The following EYA3 variants were observed in gnomAD, a reference collection of about 807,000 sequenced individuals.
EYA3 encodes the protein protein phosphatase EYA3.
Under a neutral mutation model 80.0 loss-of-function variants are expected in EYA3, and 39 were observed. That is an observed-to-expected ratio of 0.49 (90% CI 0.38 to 0.64). The LOEUF (loss-of-function observed/expected upper bound fraction) is 0.64. EYA3 is among the 30% of genes least tolerant of loss of function. The pLI is 0.00. For synonymous variants in EYA3, 206 were observed against 232.8 expected (o/e 0.88, Z 1.05); for missense variants, 523 against 676.1 (o/e 0.77, Z 2.51).
intron 7 of EYA3, among the ~76,000 whole-genome samples, chr1:28,023,689 A>T (rs1642594698): frequency 1.3e-5 from 2 of 152,226 alleles, no homozygotes; most frequent in African/African-American, 4.8e-5. Context: ...GAGCCTAAGG[A>T]GACATAACTA....
chr1:28,004,012 G>A (rs1322591054), intron 11 of EYA3, among the ~76,000 whole-genome samples: 1 of 152,106 alleles, frequency 6.6e-6, no homozygotes, highest in Non-Finnish European at 1.5e-5. Context: ...ATCAGCCTCT[G>A]GAATTTATTA....
intron 7 of EYA3, among the ~76,000 whole-genome samples, chr1:28,020,534 AT>A (rs1642358473): frequency 6.6e-6 from 1 of 151,990 alleles, no homozygotes; most frequent in Admixed American, 6.6e-5. Context: ...TAATTAAGTA[AT>A]TTTTTTAGGC....
In EYA3 at chr1:28,027,879, G is replaced by A. The variant is rs1160673675; in HGVS notation, c.409C>T (p.Pro137Ser). 1 of 1,614,008 alleles carries A rather than the reference G, an allele frequency of 6.2e-7. No homozygotes were observed. Among genetic ancestry groups the A allele is most frequent in the Non-Finnish European group, 8.5e-7 (1 of 1,180,026 alleles). Reference protein sequence around the residue: ...MKPESGLIQTPSPSQHSVLTC... With the variant: ...MKPESGLIQTSSPSQHSVLTC... ...AGAACACTGTGTTGACTTGGAGATG[G>A]AGTCTGAATTAAACCACTTTCAGGT... is the stretch of plus-strand genomic sequence containing the variant. Residue 137 changes from proline (P) to serine (S), a missense_variant, in exon 7 of 18, where the codon CCA (proline) becomes TCA (serine). Coordinates refer to ENST00000373871, the MANE Select transcript of EYA3 (RefSeq NM_001990.4).
At chr1:28,081,779 T>C (rs1328880753) in intron 1 of EYA3, among the ~76,000 whole-genome samples, 1 of 152,220 alleles carries the variant, frequency 6.6e-6, no homozygotes, top group Non-Finnish European at 1.5e-5. Flanking sequence ...CTAATCATTC[T>C]AATGTATTCC....
At chr1:27,993,875 A>T (rs1640241903) in intron 13 of EYA3, among the ~76,000 whole-genome samples, 1 of 152,240 alleles carries the variant, frequency 6.6e-6, no homozygotes, top group Admixed American at 6.5e-5. Flanking sequence ...CAGTGAAAAA[A>T]GCAGAATATA....
chr1:28,071,917 G>A (rs1438549134), intron 1 of EYA3, among the ~76,000 whole-genome samples: 1 of 152,112 alleles, frequency 6.6e-6, no homozygotes, highest in Non-Finnish European at 1.5e-5. Context: ...AAGTAAATAA[G>A]GGTAAAATTT....
At chr1:28,036,124 T>C (rs1213589345) in intron 5 of EYA3, among the ~76,000 whole-genome samples, 1 of 152,176 alleles carries the variant, frequency 6.6e-6, no homozygotes, top group East Asian at 1.9e-4. Context: ...CTAAAATGGC[T>C]CTTATGATCA....
intron 1 of EYA3, among the ~76,000 whole-genome samples, chr1:28,063,202 A>G (rs1316034356): frequency 1.3e-5 from 2 of 151,866 alleles, no homozygotes; most frequent in African/African-American, 4.8e-5. Flanking sequence ...TATCTATGAC[A>G]CAGTCCCACA....
chr1:28,080,078 T>C (rs1182207187), intron 1 of EYA3, among the ~76,000 whole-genome samples: 1 of 152,220 alleles, frequency 6.6e-6, no homozygotes, highest in East Asian at 1.9e-4. Context: ...CATTCTAATG[T>C]ATTCCCGTAG....
At chr1:28,020,621 C>G (rs1474641206) in intron 7 of EYA3, among the ~76,000 whole-genome samples, 1 of 150,498 alleles carries the variant, frequency 6.6e-6, no homozygotes, top group Non-Finnish European at 1.5e-5. Flanking sequence ...ACCCCACATA[C>G]AGCTATGACT....
intron 7 of EYA3, among the ~76,000 whole-genome samples, chr1:28,021,239 T>C (rs1433091200): frequency 1.3e-5 from 2 of 152,200 alleles, no homozygotes; most frequent in Non-Finnish European, 2.9e-5. Context: ...TTTTGCAATA[T>C]TGTTCTCTCT....
chr1:27,978,509 CTT>C (rs753649773), intron 16 of EYA3, 35 bp from the exon 17 acceptor site: 4 of 1,562,802 alleles, frequency 2.6e-6, no homozygotes, highest in Non-Finnish European at 3.5e-6. Context: ...TTAGAATACT[CTT>C]CTCTTCTTTT....
intron 16 of EYA3, 135 bp downstream of exon 16, chr1:27,988,400 A>G (rs1346113128): frequency 2.0e-6 from 2 of 981,192 alleles, no homozygotes; most frequent in Non-Finnish European, 1.5e-6. Context: ...TACTGAAAAT[A>G]TTAGAAGACT....
At chr1:28,021,290 G>C (rs911989107) in intron 7 of EYA3, among the ~76,000 whole-genome samples, 9 of 152,134 alleles carry the variant, frequency 5.9e-5, no homozygotes, top group African/African-American at 2.2e-4. Context: ...TTCCCAGCAT[G>C]ATGGCTCCTC....
intron 16 of EYA3, 25 bp from the exon 17 acceptor site, chr1:27,978,499 T>C (rs780339974): frequency 6.3e-7 from 1 of 1,578,818 alleles, no homozygotes; most frequent in Non-Finnish European, 8.7e-7. Flanking sequence ...AAATTTCCTG[T>C]TAGAATACTC....
At chr1:27,989,313 A>G (rs953047931) in intron 15 of EYA3, among the ~76,000 whole-genome samples, 1 of 151,976 alleles carries the variant, frequency 6.6e-6, no homozygotes, top group Non-Finnish European at 1.5e-5. Context: ...TTTCTTTTGA[A>G]TCTTGCCTTC....
intron 11 of EYA3, among the ~76,000 whole-genome samples, chr1:28,002,170 C>A (rs895129159): frequency 8.5e-5 from 13 of 152,098 alleles, no homozygotes; most frequent in Non-Finnish European, 1.9e-4. Context: ...CCTCCTCGGC[C>A]TCCCAAAGTG....
intron 14 of EYA3, among the ~76,000 whole-genome samples, chr1:27,993,063 CAA>C (rs374229824): frequency 7.0e-6 from 1 of 142,952 alleles, no homozygotes. Context: ...ATAAACCAGC[CAA>C]AAAAAAAAAT....
At chr1:27,998,611 C>T (rs1194017010) in intron 12 of EYA3, among the ~76,000 whole-genome samples, 3 of 151,550 alleles carry the variant, frequency 2.0e-5, no homozygotes, top group South Asian at 2.1e-4. Context: ...GCAGTGCTCA[C>T]GCCGGTAATC....
Sources: allele counts gnomAD v4.1 joint callset (sites outside exome capture counted in the v4.1 genomes callset), GRCh38; gene constraint gnomAD v4.1.1; transcripts MANE v1.5; gene names NCBI Gene and HGNC (gene_info 2026-07-23, HGNC 2026-07-21).